Variants in PHACTR3 observed in about 807,000 individuals in gnomAD.
PHACTR3 encodes phosphatase and actin regulator 3.
Under a neutral mutation model 66.8 loss-of-function variants are expected in PHACTR3, and 16 were observed. That is an observed-to-expected ratio of 0.24 (90% CI 0.16 to 0.36). The LOEUF is 0.36. Ranked by LOEUF, PHACTR3 falls within the 10% of genes least tolerant of loss-of-function variation. The pLI is 1.00. For synonymous variants in PHACTR3, 323 were observed against 292.1 expected (o/e 1.11, Z -1.08); for missense variants, 647 against 719.9 (o/e 0.90, Z 1.16).
At chr20:59,781,523 A>G (rs1481514374) in intron 7 of PHACTR3, among the ~76,000 whole-genome samples, 3 of 152,170 alleles carry the variant, frequency 2.0e-5, no homozygotes, top group African/African-American at 4.8e-5. Flanking sequence ...GGATGAGACA[A>G]CGCTCATGGA....
intron 8 of PHACTR3, among the ~76,000 whole-genome samples, chr20:59,811,350 A>C (rs1568845393): frequency 6.6e-6 from 1 of 152,192 alleles, no homozygotes; most frequent in Non-Finnish European, 1.5e-5. Context: ...AGGACTTCAC[A>C]CTTGCTCTAA....
intron 8 of PHACTR3, among the ~76,000 whole-genome samples, chr20:59,826,207 GA>G (rs754589908): frequency 1.3e-5 from 2 of 151,124 alleles, no homozygotes; most frequent in Non-Finnish European, 3.0e-5. Flanking sequence ...TGGGGGAGGG[GA>G]GGGGTGCTCA....
intron 1 of PHACTR3, among the ~76,000 whole-genome samples, chr20:59,673,143 C>T (rs2036252179): frequency 6.6e-6 from 1 of 152,188 alleles, no homozygotes; most frequent in African/African-American, 2.4e-5. Flanking sequence ...GGGGCATCTT[C>T]CTGGGACAAC....
intron 1 of PHACTR3, among the ~76,000 whole-genome samples, chr20:59,715,522 T>A (rs2146659459): frequency 6.6e-6 from 1 of 152,380 alleles, no homozygotes; most frequent in Non-Finnish European, 1.5e-5. Context: ...GCCTCTGGTT[T>A]ACTAATGTTT....
intron 7 of PHACTR3, among the ~76,000 whole-genome samples, chr20:59,780,670 CAGGG>C (rs1165746123): frequency 6.6e-6 from 1 of 152,188 alleles, no homozygotes; most frequent in Non-Finnish European, 1.5e-5. Flanking sequence ...GGGAATGTCA[CAGGG>C]AGGGCTGTCT....
intron 8 of PHACTR3, among the ~76,000 whole-genome samples, chr20:59,832,560 A>G (rs1458659129): frequency 6.6e-6 from 1 of 152,134 alleles, no homozygotes; most frequent in African/African-American, 2.4e-5. Flanking sequence ...TTGGACAGAA[A>G]TCTGGAAGAG....
At chr20:59,837,381 A>G (rs1017350396) in intron 9 of PHACTR3, among the ~76,000 whole-genome samples, 1 of 152,196 alleles carries the variant, frequency 6.6e-6, no homozygotes, top group Non-Finnish European at 1.5e-5. Flanking sequence ...TAATGGTACC[A>G]AGCTGACTTT....
chr20:59,721,906 G>C (rs977401766), intron 1 of PHACTR3, among the ~76,000 whole-genome samples: 1 of 151,196 alleles, frequency 6.6e-6, no homozygotes, highest in Non-Finnish European at 1.5e-5. Flanking sequence ...TACACAAGAC[G>C]ACGTCAAAGA....
intron 1 of PHACTR3, among the ~76,000 whole-genome samples, chr20:59,596,835 C>T (rs1356506614): frequency 2.0e-5 from 3 of 152,242 alleles, no homozygotes; most frequent in Non-Finnish European, 2.9e-5. Flanking sequence ...ATATAGGTCA[C>T]GTGCAGGCAC....
intron 3 of PHACTR3, among the ~76,000 whole-genome samples, chr20:59,749,727 TGA>T (rs942710951): frequency 2.0e-5 from 3 of 152,258 alleles, no homozygotes; most frequent in African/African-American, 4.8e-5. Context: ...AAAACATGCA[TGA>T]GAGGGCATGG....
intron 1 of PHACTR3, among the ~76,000 whole-genome samples, chr20:59,586,999 G>A (rs1303289679): frequency 6.6e-6 from 1 of 152,218 alleles, no homozygotes; most frequent in Non-Finnish European, 1.5e-5. Flanking sequence ...CTGACAGCAG[G>A]TCAATGCTTG....
chr20:59,727,118 T>C (rs1257902505), intron 1 of PHACTR3, among the ~76,000 whole-genome samples: 2 of 152,112 alleles, frequency 1.3e-5, no homozygotes, highest in East Asian at 3.9e-4. Flanking sequence ...TAACTACGCA[T>C]CTACTTTCTG....
rs114609327 is a variant in PHACTR3 at position 59,794,674 on chromosome 20, T to C, written c.1175-11367T>C. On this transcript the variant is annotated intron_variant, in intron 7 of 12. Transcript: ENST00000371015. ...AGTGAAGCAGTCAAGTCCTGGACTT[T>C]CCTTTGATGGGAGATTTTTTAGTAC... Among the ~76,000 whole-genome samples, 627 of 152,332 alleles carry C rather than the reference T, an allele frequency of 4.1e-3. 3 individuals are homozygous for C. Among genetic ancestry groups the C allele is most frequent in the African/African-American group, 0.014 (577 of 41,586 alleles).
At chr20:59,674,060 T>C (rs1294848564) in intron 1 of PHACTR3, among the ~76,000 whole-genome samples, 1 of 151,646 alleles carries the variant, frequency 6.6e-6, no homozygotes, top group African/African-American at 2.4e-5. Context: ...GAGATTTCGG[T>C]TTTTTGTGCT....
intron 1 of PHACTR3, among the ~76,000 whole-genome samples, chr20:59,684,753 T>C (rs1286154397): frequency 6.6e-6 from 1 of 152,216 alleles, no homozygotes. Flanking sequence ...TGAGCTGTTA[T>C]GACATCGTGC....
intron 8 of PHACTR3, among the ~76,000 whole-genome samples, chr20:59,814,941 A>G (rs1568849155): frequency 6.6e-6 from 1 of 152,056 alleles, no homozygotes; most frequent in Non-Finnish European, 1.5e-5. Flanking sequence ...GTTTGGATCA[A>G]ACAGGAGGTG....
upstream of PHACTR3, among the ~76,000 whole-genome samples, chr20:59,602,494 A>G (rs1402386151): frequency 1.3e-5 from 2 of 152,020 alleles, no homozygotes; most frequent in African/African-American, 2.4e-5. Context: ...TTTAAGTGCA[A>G]AGAGTTGATT....
At chr20:59,625,425 G>A (rs546676699) in intron 1 of PHACTR3, among the ~76,000 whole-genome samples, 6 of 152,124 alleles carry the variant, frequency 3.9e-5, no homozygotes, top group South Asian at 2.1e-4. Context: ...TGCACTCTCC[G>A]CAAGTCACTT....
intron 4 of PHACTR3, among the ~76,000 whole-genome samples, chr20:59,759,334 A>C (rs1424074342): frequency 6.6e-6 from 1 of 152,198 alleles, no homozygotes; most frequent in Non-Finnish European, 1.5e-5. Context: ...AGGGACATTA[A>C]ATGCACTGGT....
Sources: gnomAD v4.1 joint callset for allele counts (sites outside exome capture counted in the v4.1 genomes callset) on GRCh38, gnomAD v4.1.1 for gene constraint, MANE v1.5 for transcripts, NCBI Gene and HGNC (gene_info 2026-07-23, HGNC 2026-07-21) for gene names.